WNT7A: variants seen among roughly 807,000 people sequenced by gnomAD.
The protein encoded by WNT7A is protein Wnt-7a.
Under a neutral mutation model 28.2 loss-of-function variants are expected in WNT7A, and 16 were observed. The ratio of observed to expected loss-of-function variants is 0.57; its 90% CI spans 0.38 to 0.86. WNT7A has a LOEUF of 0.86. Among genes scored for constraint, WNT7A ranks in the 40% least tolerant of loss-of-function variants. The probability of loss-of-function intolerance (pLI) is 0.00; values close to 1 mark genes in which losing one functional copy is unlikely to be tolerated. For missense variants in WNT7A, 411 were observed against 489.7 expected, an observed-to-expected ratio of 0.84 and a Z score of 1.52; for synonymous variants, 190 against 195.9, an observed-to-expected ratio of 0.97 and a Z score of 0.25.
intron 3 of WNT7A, among the ~76,000 whole-genome samples, chr3:13,847,562 G>A (rs1397474279): frequency 6.6e-6 from 1 of 152,242 alleles, no homozygotes; most frequent in Non-Finnish European, 1.5e-5. Context: ...GTCCTTGACA[G>A]TGGAGGCTAG....
chr3:13,868,316 C>A (rs1694942742), intron 2 of WNT7A, among the ~76,000 whole-genome samples: 1 of 151,860 alleles, frequency 6.6e-6, no homozygotes, highest in East Asian at 1.9e-4. Flanking sequence ...CACAGTGAGA[C>A]CCGTCTCTAT....
intron 3 of WNT7A, among the ~76,000 whole-genome samples, chr3:13,848,222 A>T (rs908087470): frequency 3.3e-5 from 5 of 152,246 alleles, no homozygotes; most frequent in African/African-American, 1.2e-4. Context: ...GGACCTTATC[A>T]GTTAAAACTT....
chr3:13,861,242 C>A (rs537745366), intron 2 of WNT7A, among the ~76,000 whole-genome samples: 30 of 152,364 alleles, frequency 2.0e-4, no homozygotes, highest in Non-Finnish European at 4.4e-5. Context: ...AGGATCAGAT[C>A]CTCCACCCCT....
At chr3:13,871,064 C>T (rs971337803) in intron 2 of WNT7A, among the ~76,000 whole-genome samples, 3 of 152,202 alleles carry the variant, frequency 2.0e-5, no homozygotes, top group Non-Finnish European at 4.4e-5. Flanking sequence ...GTCTCATGTC[C>T]ACTCTGAATA....
chr3:13,879,984 A>G lies in WNT7A; in HGVS notation c.-168T>C, dbSNP rs112325129. ...TCCGCGCCTGAGCCTCGCCAGGAGCACGGGAGCCACGGAGCGGGAGGAGGG... is the reference window on the plus strand; with the variant it reads ...TCCGCGCCTGAGCCTCGCCAGGAGCGCGGGAGCCACGGAGCGGGAGGAGGG... On this transcript the variant is annotated 5_prime_UTR_variant, in exon 1 of 4. Transcript: ENST00000285018. 2,226 of 426,024 alleles carry G rather than the reference A, an allele frequency of 5.2e-3. 52 individuals carry two copies. Among genetic ancestry groups the G allele is most frequent in the African/African-American group, 0.042 (2,023 of 48,186 alleles). 26.4% of individuals were successfully genotyped at this position (426,024 alleles called of 1,614,324 possible).
In WNT7A at chr3:13,820,164, A is replaced by G. The variant is rs140565932; in HGVS notation, c.571-741T>C. 6.6e-3 allele frequency among the ~76,000 whole-genome samples: 1,009 copies of G among 152,258 alleles called. 14 individuals carry two copies. The highest frequency in any genetic ancestry group is 0.023 in the African/African-American group (966 of 41,552). On this transcript the variant is annotated intron_variant, in intron 3 of 3. Coordinates refer to ENST00000285018, the MANE Select transcript of WNT7A (RefSeq NM_004625.4). ...CATGAATTGAGCTCCTACTGTGTAC[A>G]GGCACAGAGATGGGGATTTCCCAAG...
At chr3:13,856,957 A>AAGGAGAAGG (rs1276975040) in intron 2 of WNT7A, among the ~76,000 whole-genome samples, 4 of 105,700 alleles carry the variant, frequency 3.8e-5, no homozygotes, top group Non-Finnish European at 7.6e-5. Context: ...GAAGAAGAAG[A>AAGGAGAAGG]AGAAGAAGAA....
At chr3:13,852,707 T>C (rs1694660166) in intron 3 of WNT7A, among the ~76,000 whole-genome samples, 1 of 151,796 alleles carries the variant, frequency 6.6e-6, no homozygotes, top group Admixed American at 6.6e-5. Flanking sequence ...TCTGGCTGAG[T>C]GGTGTGTGTG....
chr3:13,821,901 A>T (rs1217619732), intron 3 of WNT7A, among the ~76,000 whole-genome samples: 1 of 152,250 alleles, frequency 6.6e-6, no homozygotes, highest in Admixed American at 6.5e-5. Flanking sequence ...TTAAGTGAAC[A>T]GGGATGCTTT....
At chr3:13,854,851 A>G (rs1694705029) in intron 2 of WNT7A, 48 bp from the exon 3 acceptor site, 1 of 1,607,302 alleles carries the variant, frequency 6.2e-7, no homozygotes, top group African/African-American at 1.3e-5. Flanking sequence ...GGTCCCAAGC[A>G]TCTGAGAGGA....
intron 3 of WNT7A, among the ~76,000 whole-genome samples, chr3:13,820,016 G>A (rs140294610): frequency 6.7e-4 from 102 of 152,252 alleles, no homozygotes; most frequent in African/African-American, 2.3e-3. Context: ...TTAAAAAATT[G>A]TTTTTATTTC....
chr3:13,824,614 C>G (rs368704758), intron 3 of WNT7A, among the ~76,000 whole-genome samples: 1 of 152,180 alleles, frequency 6.6e-6, no homozygotes, highest in Admixed American at 6.5e-5. Context: ...GCAGCAGGGC[C>G]GAGCCGAGCC....
chr3:13,822,541 A>T (rs1174560725), intron 3 of WNT7A, among the ~76,000 whole-genome samples: 1 of 152,214 alleles, frequency 6.6e-6, no homozygotes, highest in Non-Finnish European at 1.5e-5. Context: ...CACATGGGAG[A>T]TTAATGGTTG....
Position 13,880,071 on chromosome 3 carries a change from T to G in WNT7A, c.-255A>C. The G allele has an allele frequency of 3.1e-6, 1 of 327,592 alleles. No individual in the cohort carries two copies. Among genetic ancestry groups the G allele is most frequent in the Non-Finnish European group, 5.5e-6 (1 of 180,360 alleles). 20.3% of individuals were successfully genotyped at this position (327,592 alleles called of 1,614,324 possible). On this transcript the variant is annotated 5_prime_UTR_variant, in exon 1 of 4. Coordinates refer to ENST00000285018, the MANE Select transcript of WNT7A (RefSeq NM_004625.4). ...TGCGCGCGAGCGACCGGTGCAAGTG[T>G]GCGAGACGCGGGGAGTGCGGGGGCG...
intron 2 of WNT7A, among the ~76,000 whole-genome samples, chr3:13,862,582 C>T (rs779422850): frequency 4.6e-5 from 7 of 152,240 alleles, no homozygotes; most frequent in Non-Finnish European, 1.0e-4. Context: ...CCCCTCTGGG[C>T]TCAGAATGCC....
intron 2 of WNT7A, among the ~76,000 whole-genome samples, chr3:13,859,911 G>A (rs540574286): frequency 6.6e-6 from 1 of 152,348 alleles, no homozygotes; most frequent in Non-Finnish European, 1.5e-5. Context: ...CTGCTTTACA[G>A]ATGGGGGAAC....
intron 3 of WNT7A, among the ~76,000 whole-genome samples, chr3:13,835,601 A>C (rs113793352): frequency 3.3e-5 from 5 of 152,362 alleles, no homozygotes; most frequent in African/African-American, 1.2e-4. Context: ...TCTCTTGGCC[A>C]GAGACCTGGG....
intron 2 of WNT7A, among the ~76,000 whole-genome samples, chr3:13,856,942 A>AAGGAGAAGG (rs1559303305): frequency 1.8e-5 from 2 of 112,704 alleles, no homozygotes; most frequent in African/African-American, 9.0e-5. Context: ...GAAGAAGAAG[A>AAGGAGAAGG]AGAAGAAGAA....
rs1044964458 is a variant in WNT7A, at chr3:13,879,849, G to A, written c.-33C>T. The A allele has an allele frequency of 7.5e-6, 12 of 1,591,790 alleles. No individual in the cohort carries two copies. The highest frequency in any genetic ancestry group is 1.0e-5 in the Non-Finnish European group (12 of 1,167,916). On this transcript the variant is annotated 5_prime_UTR_variant, in exon 1 of 4. Coordinates refer to ENST00000285018, the MANE Select transcript of WNT7A (RefSeq NM_004625.4). ...ATTGGCCGCCGGGGCCGCGGGCCGG[G>A]CTGTGCTGATCCCGCGGGCCGGCCC...
Sources: gnomAD v4.1 joint callset for allele counts (sites outside exome capture counted in the v4.1 genomes callset) on GRCh38, gnomAD v4.1.1 for gene constraint, MANE v1.5 for transcripts, NCBI Gene and HGNC (gene_info 2026-07-23, HGNC 2026-07-21) for gene names.